Variants in KBTBD12 observed in about 807,000 individuals in gnomAD.
KBTBD12 encodes the protein kelch repeat and BTB domain containing 12, also known as kelch repeat and BTB domain-containing protein 12.
Under a neutral mutation model 58.7 loss-of-function variants are expected in KBTBD12, and 53 were observed. The observed-to-expected ratio is 0.90, with a 90% confidence interval of 0.72 to 1.14. The LOEUF (loss-of-function observed/expected upper bound fraction) is 1.14. Among genes scored for constraint, KBTBD12 ranks in the 50% most tolerant of loss-of-function variants. The pLI is 0.00. For synonymous variants in KBTBD12, 236 were observed against 259.8 expected (o/e 0.91, Z 0.88); for missense variants, 704 against 751.3 (o/e 0.94, Z 0.74).
At chr3:127,961,781 GA>G (rs1940444744) in intron 4 of KBTBD12, among the ~76,000 whole-genome samples, 1 of 152,196 alleles carries the variant, frequency 6.6e-6, no homozygotes, top group Admixed American at 6.5e-5. Flanking sequence ...ATGCAATATG[GA>G]AAACGACAGG....
At chr3:127,918,839 A>G (rs534424783) in intron 1 of KBTBD12, among the ~76,000 whole-genome samples, 4 of 152,304 alleles carry the variant, frequency 2.6e-5, no homozygotes, top group African/African-American at 7.2e-5. Context: ...ACGAGGCAGG[A>G]AAGTTTGGGA....
chr3:127,977,483 C>T (rs1457457954), intron 5 of KBTBD12, among the ~76,000 whole-genome samples: 1 of 152,212 alleles, frequency 6.6e-6, no homozygotes, highest in African/African-American at 2.4e-5. Flanking sequence ...TTCTCTGCAA[C>T]CTTGCCAGCA....
At chr3:127,977,427 G>A (rs896267810) in intron 5 of KBTBD12, among the ~76,000 whole-genome samples, 12 of 152,196 alleles carry the variant, frequency 7.9e-5, no homozygotes, top group African/African-American at 2.2e-4. Flanking sequence ...TTCCACAATG[G>A]CTGAACTAGT....
rs772492273 is a variant in KBTBD12 at position 127,923,099 on chromosome 3, A to G, written c.38A>G (p.His13Arg). The G allele has an allele frequency of 2.5e-6, 4 of 1,610,880 alleles. No homozygotes were observed. The highest frequency in any genetic ancestry group is 2.7e-5 in the African/African-American group (2 of 74,822). ...CKIEGKEKYQ[H>R]SLNLLNKIQN... Reference sequence around the variant, plus strand: ...ATTGAGGGAAAAGAAAAATACCAACATAGCTTGAATTTACTGAATAAAATT... The same window carrying G: ...ATTGAGGGAAAAGAAAAATACCAACGTAGCTTGAATTTACTGAATAAAATT... The change falls in exon 2 of 6, where the codon CAT becomes CGT. Residue 13 changes from histidine to arginine, a missense_variant. By Grantham distance (29) the His-to-Arg change is conservative. Coordinates refer to ENST00000405109, the MANE Select transcript of KBTBD12 (RefSeq NM_207335.4).
chr3:127,947,439 T>A (rs1194132785), intron 4 of KBTBD12, among the ~76,000 whole-genome samples: 1 of 152,210 alleles, frequency 6.6e-6, no homozygotes, highest in Admixed American at 6.5e-5. Flanking sequence ...CCTGGAAGAC[T>A]GTGGGGATTC....
At chr3:127,974,844 T>C (rs1352959962) in intron 5 of KBTBD12, among the ~76,000 whole-genome samples, 3 of 152,122 alleles carry the variant, frequency 2.0e-5, no homozygotes, top group Non-Finnish European at 4.4e-5. Flanking sequence ...CCGGGCATGG[T>C]GGCGGGTGCC....
chr3:127,926,362 C>T (rs1559761086), intron 2 of KBTBD12, among the ~76,000 whole-genome samples: 1 of 152,162 alleles, frequency 6.6e-6, no homozygotes. Context: ...ATTCAGTTGG[C>T]TTTACTTTGG....
chr3:127,969,162 A>AT (rs1358000019), intron 5 of KBTBD12, among the ~76,000 whole-genome samples: 1 of 152,152 alleles, frequency 6.6e-6, no homozygotes, highest in Non-Finnish European at 1.5e-5. Flanking sequence ...TGACATAATC[A>AT]TTTTTTTCGA....
chr3:127,943,218 T>A (rs1417521360), intron 4 of KBTBD12, among the ~76,000 whole-genome samples: 1 of 152,236 alleles, frequency 6.6e-6, no homozygotes, highest in Non-Finnish European at 1.5e-5. Flanking sequence ...GAAGAGGGAT[T>A]GTTAGGTCAC....
intron 4 of KBTBD12, among the ~76,000 whole-genome samples, chr3:127,937,301 C>T (rs1939851765): frequency 6.6e-6 from 1 of 152,088 alleles, no homozygotes; most frequent in Non-Finnish European, 1.5e-5. Context: ...TTTACAATAT[C>T]ACCAGGAAAT....
At chr3:127,928,176 A>G (rs755043549) in intron 3 of KBTBD12, 142 bp downstream of exon 3, 39 of 705,490 alleles carry the variant, frequency 5.5e-5, no homozygotes, top group Non-Finnish European at 6.5e-5. Context: ...AATATAACTC[A>G]AGGTTTTAAA....
intron 5 of KBTBD12, among the ~76,000 whole-genome samples, chr3:127,977,016 C>T (rs749618459): frequency 6.6e-6 from 1 of 152,150 alleles, no homozygotes; most frequent in Non-Finnish European, 1.5e-5. Flanking sequence ...TAAGTAGGCC[C>T]CAGTATCTGT....
Position 127,975,309 on chromosome 3 carries a change from T to C in KBTBD12, c.1691-8788T>C, listed in dbSNP as rs141590855. On this transcript the variant is annotated intron_variant, in intron 5 of 5. Transcript: ENST00000405109. ...CTGACCCCCTGGAGCTAAGAGAAAA[T>C]CCTCAGGCAAAGAGTAGCAGACGGA... 6.8e-3 allele frequency among the ~76,000 whole-genome samples: 1,027 copies of C among 152,102 alleles called. 9 individuals carry two copies. Among genetic ancestry groups the C allele is most frequent in the Non-Finnish European group, 0.011 (730 of 67,988 alleles).
chr3:127,950,966 T>A (rs1269470910), intron 4 of KBTBD12, among the ~76,000 whole-genome samples: 2 of 151,900 alleles, frequency 1.3e-5, no homozygotes, highest in Non-Finnish European at 2.9e-5. Context: ...GAGGCGGAGG[T>A]TGCAGTGAGC....
chr3:127,983,665 A>T (rs969405996), intron 5 of KBTBD12, among the ~76,000 whole-genome samples: 3 of 152,076 alleles, frequency 2.0e-5, no homozygotes, highest in Admixed American at 2.0e-4. Context: ...AGGCGGGAGA[A>T]TTGCTTGAAC....
chr3:127,964,784 C>G (rs1331532253), intron 5 of KBTBD12, among the ~76,000 whole-genome samples: 2 of 152,086 alleles, frequency 1.3e-5, no homozygotes, highest in African/African-American at 2.4e-5. Context: ...ATAATAAAAA[C>G]TTTACTTTTT....
At chr3:127,916,307 G>A (rs1939236527) in intron 1 of KBTBD12, among the ~76,000 whole-genome samples, 2 of 152,170 alleles carry the variant, frequency 1.3e-5, no homozygotes, top group Admixed American at 1.3e-4. Flanking sequence ...GTACATTTAG[G>A]GTGGTGCGTG....
intron 4 of KBTBD12, among the ~76,000 whole-genome samples, chr3:127,959,411 C>T (rs987292305): frequency 1.3e-5 from 2 of 152,228 alleles, no homozygotes; most frequent in Admixed American, 1.3e-4. Context: ...TTCCTCAGCC[C>T]TTTGGCCTTC....
chr3:127,933,924 A>G (rs1157660552), intron 4 of KBTBD12, among the ~76,000 whole-genome samples: 1 of 152,192 alleles, frequency 6.6e-6, no homozygotes, highest in Non-Finnish European at 1.5e-5. Context: ...CAGTCAAAAA[A>G]CGGAAAAGAA....
Sources: allele counts gnomAD v4.1 joint callset (sites outside exome capture counted in the v4.1 genomes callset), GRCh38; gene constraint gnomAD v4.1.1; transcripts MANE v1.5; gene names NCBI Gene and HGNC (gene_info 2026-07-23, HGNC 2026-07-21).